AOAH: variants seen among roughly 807,000 people sequenced by gnomAD.
AOAH encodes the protein acyloxyacyl hydrolase, also known as acyloxyacyl hydrolase (neutrophil).
A neutral mutation model predicts 92.2 loss-of-function variants in AOAH; 64 were observed. The observed-to-expected ratio is 0.69, with a 90% CI of 0.57 to 0.86. The LOEUF (loss-of-function observed/expected upper bound fraction) is 0.86. Ranked by LOEUF, AOAH falls within the 40% of genes least tolerant of loss-of-function variation. The probability of loss-of-function intolerance (pLI) is 0.00; values close to 1 mark genes in which losing one functional copy is unlikely to be tolerated. For missense variants in AOAH, 656 were observed against 694.6 expected (o/e 0.94, Z 0.62); for synonymous variants, 263 against 254.5 (o/e 1.03, Z -0.32).
chr7:36,603,514 A>C (rs1399781872), intron 11 of AOAH, among the ~76,000 whole-genome samples: 1 of 152,154 alleles, frequency 6.6e-6, no homozygotes, highest in African/African-American at 2.4e-5. Flanking sequence ...AGCTGACTGC[A>C]CCTAACCCTC....
chr7:36,575,312 G>C (rs145888523), intron 13 of AOAH, among the ~76,000 whole-genome samples: 26 of 152,310 alleles, frequency 1.7e-4, no homozygotes, highest in Non-Finnish European at 2.1e-4. Flanking sequence ...GTGGGTAGAA[G>C]TGTCTCCTCT....
intron 16 of AOAH, among the ~76,000 whole-genome samples, chr7:36,536,765 A>G (rs1785085140): frequency 6.6e-6 from 1 of 151,936 alleles, no homozygotes; most frequent in African/African-American, 2.4e-5. Context: ...CCTGGCCAAC[A>G]TGGTGAAACC....
At chr7:36,556,425 A>G (rs558955933) in intron 13 of AOAH, among the ~76,000 whole-genome samples, 20 of 152,208 alleles carry the variant, frequency 1.3e-4, no homozygotes, top group African/African-American at 4.6e-4. Flanking sequence ...ATTTTGGAAT[A>G]GGTGTGGTGT....
intron 13 of AOAH, among the ~76,000 whole-genome samples, chr7:36,551,312 T>A (rs1445426112): frequency 6.6e-6 from 1 of 152,172 alleles, no homozygotes; most frequent in Admixed American, 6.5e-5. Context: ...GACCTCATGA[T>A]CTGCCTGCCT....
intron 3 of AOAH, among the ~76,000 whole-genome samples, chr7:36,669,373 C>A (rs1795763451): frequency 6.9e-6 from 1 of 145,714 alleles, no homozygotes; most frequent in African/African-American, 2.6e-5. Flanking sequence ...TATTCCCCCC[C>A]CACCTTTTTT....
At chr7:36,594,510 G>T (rs749660340) in intron 11 of AOAH, 80 bp from the exon 12 acceptor site, 17 of 1,152,340 alleles carry the variant, frequency 1.5e-5, no homozygotes, top group Non-Finnish European at 2.2e-5. Context: ...TGGCCTGAGT[G>T]TTGCTCTCTG....
intron 4 of AOAH, among the ~76,000 whole-genome samples, chr7:36,646,055 A>G (rs78109923): frequency 2.5e-3 from 375 of 152,254 alleles, no homozygotes; most frequent in African/African-American, 8.6e-3. Context: ...TTTTCCTGAC[A>G]TTATTATTCA....
intron 16 of AOAH, among the ~76,000 whole-genome samples, chr7:36,533,837 A>G (rs1260810214): frequency 2.0e-5 from 3 of 151,714 alleles, no homozygotes; most frequent in Admixed American, 2.0e-4. Flanking sequence ...TCTGGGGGCT[A>G]CCACTGAGTT....
At chr7:36,653,010 T>C (rs542079459) in intron 4 of AOAH, among the ~76,000 whole-genome samples, 1 of 152,338 alleles carries the variant, frequency 6.6e-6, no homozygotes, top group Non-Finnish European at 1.5e-5. Context: ...GACTAAGTAA[T>C]AGTAATGTGT....
At chr7:36,660,756 C>G (rs1194549082) in intron 3 of AOAH, among the ~76,000 whole-genome samples, 1 of 152,052 alleles carries the variant, frequency 6.6e-6, no homozygotes, top group Non-Finnish European at 1.5e-5. Flanking sequence ...TTCATTTTTT[C>G]TTTCCCACTC....
chr7:36,671,649 T>TTGTGTG (rs34363257), intron 3 of AOAH, among the ~76,000 whole-genome samples: 203 of 149,384 alleles, frequency 1.4e-3, no homozygotes, highest in African/African-American at 4.6e-3. Context: ...GTGCACGTGT[T>TTGTGTG]TGTGTGTGTG....
At chr7:36,667,137 C>G (rs931960880) in intron 3 of AOAH, among the ~76,000 whole-genome samples, 51 of 152,110 alleles carry the variant, frequency 3.4e-4, no homozygotes, top group African/African-American at 1.2e-3. Flanking sequence ...GTTTTAATCT[C>G]CATGGTTTCA....
intron 15 of AOAH, among the ~76,000 whole-genome samples, chr7:36,547,617 G>A (rs1293760437): frequency 6.6e-6 from 1 of 152,092 alleles, no homozygotes; most frequent in Non-Finnish European, 1.5e-5. Context: ...TCCTAAAATA[G>A]TGAGTGGGTG....
chr7:36,632,302 C>G (rs1027651700), intron 5 of AOAH, among the ~76,000 whole-genome samples, 196 bp from the exon 6 acceptor site: 1 of 152,162 alleles, frequency 6.6e-6, no homozygotes, highest in African/African-American at 2.4e-5. Flanking sequence ...CTTTGCCCAT[C>G]GGGCTCCTCA....
intron 13 of AOAH, among the ~76,000 whole-genome samples, chr7:36,552,760 T>G (rs969893797): frequency 3.9e-5 from 6 of 152,208 alleles, no homozygotes; most frequent in African/African-American, 1.4e-4. Context: ...GTGCCTATTC[T>G]TGCCATCTTT....
In AOAH at chr7:36,658,344, G is replaced by GT. The variant is rs1795009914; in HGVS notation, c.390+821dup. 3.9e-5 allele frequency among the ~76,000 whole-genome samples: 6 copies of GT among 152,132 alleles called. 1 individual carries two copies. Among genetic ancestry groups the GT allele is most frequent in the Admixed American group, 3.9e-4 (6 of 15,264 alleles). The stretch of plus-strand genomic sequence containing the variant: ...ATTACAATTAAAATAGAAACCTATT[G>GT]TGTTATATCCAGAAAAACTACAATT... On this transcript the variant is annotated intron_variant, in intron 4 of 20. Transcript: ENST00000617537.
At position 36,532,245 on chromosome 7, in the gene AOAH, G is replaced by A. The variant is rs561558480; in HGVS notation, c.1366-39C>T. 4.7e-4 allele frequency: 765 copies of A among 1,614,170 alleles called. 3 individuals are homozygous for A. The South Asian group carries it at 8.0e-3, about 17-fold the overall frequency. The stretch of plus-strand genomic sequence containing the variant: ...AACACTTTTGATTACAGAGGATCAG[G>A]GTAGGTAAGCGGGCCTTGAAGCAAG... On this transcript the variant is annotated intron_variant, in intron 17 of 20. Transcript: ENST00000617537.
At chr7:36,546,179 T>C (rs922282390) in intron 15 of AOAH, among the ~76,000 whole-genome samples, 2 of 152,192 alleles carry the variant, frequency 1.3e-5, no homozygotes, top group Non-Finnish European at 2.9e-5. Context: ...GTTTAGAGAA[T>C]TGAGAAGAAA....
intron 2 of AOAH, among the ~76,000 whole-genome samples, chr7:36,677,502 A>G (rs1311255383): frequency 1.3e-5 from 2 of 152,224 alleles, no homozygotes; most frequent in Non-Finnish European, 2.9e-5. Context: ...AAACTCGTGC[A>G]GCCAGTTTGT....
Sources: allele counts gnomAD v4.1 joint callset (sites outside exome capture counted in the v4.1 genomes callset), GRCh38; gene constraint gnomAD v4.1.1; transcripts MANE v1.5; gene names NCBI Gene and HGNC (gene_info 2026-07-23, HGNC 2026-07-21).